KLF13: variants seen among roughly 807,000 people sequenced by gnomAD.
KLF13 encodes the protein Krueppel-like factor 13.
A neutral mutation model predicts 16.7 loss-of-function variants in KLF13; 8 were observed. The observed-to-expected ratio is 0.48, with a 90% CI of 0.28 to 0.87. KLF13 has a LOEUF of 0.87. Among genes scored for constraint, KLF13 ranks in the 40% least tolerant of loss-of-function variants. The pLI, the probability that KLF13 is intolerant of heterozygous loss-of-function variation, is 0.10. For synonymous variants in KLF13, 245 were observed against 208.4 expected, an observed-to-expected ratio of 1.18 and a Z score of -1.51; for missense variants, 447 against 452.2, an observed-to-expected ratio of 0.99 and a Z score of 0.10.
At position 31,398,949 on chromosome 15, in the gene KLF13, C is replaced by T. The variant is rs537076865; in HGVS notation, n.530-4479C>T. 3.3e-5 allele frequency among the ~76,000 whole-genome samples: 5 copies of T among 152,306 alleles called. No homozygotes were observed. The South Asian group carries it at 1.0e-3, about 32-fold the overall frequency. On this transcript the variant is annotated intron_variant and non_coding_transcript_variant, in intron 2 of 2. Transcript: ENST00000500533. ...TCATCTACTGGGTTTTCCCTGGAGC[C>T]TGTGCCCAGGGAAGCTCAGTGTCAC...
chr15:31,410,729 T>G (rs75325900), intron 1 of KLF13, among the ~76,000 whole-genome samples: 4,893 of 152,088 alleles, frequency 0.032, 256 homozygotes, highest in African/African-American at 0.11. Flanking sequence ...ACAACAATCC[T>G]AAACATGTAT....
At chr15:31,340,531 A>G (rs1433661249) in intron 1 of KLF13, among the ~76,000 whole-genome samples, 2 of 152,240 alleles carry the variant, frequency 1.3e-5, no homozygotes, top group African/African-American at 4.8e-5. Flanking sequence ...TCCTGCTAAC[A>G]TCACCCCCTT....
exon 2 of KLF13, chr15:31,393,633 C>A (rs1324036613): frequency 2.0e-5 from 3 of 152,540 alleles, no homozygotes; most frequent in Non-Finnish European, 4.4e-5. Flanking sequence ...TGCTCCAAGA[C>A]CAGAGAGGAA....
At chr15:31,421,640 T>C (rs920096543) in intron 1 of KLF13, among the ~76,000 whole-genome samples, 1 of 151,666 alleles carries the variant, frequency 6.6e-6, no homozygotes, top group Non-Finnish European at 1.5e-5. Flanking sequence ...CTGTAGAAGA[T>C]ATACAGAAGA....
intron 1 of KLF13, among the ~76,000 whole-genome samples, chr15:31,414,313 CAG>C (rs2040231118): frequency 6.6e-6 from 1 of 151,860 alleles, no homozygotes; most frequent in African/African-American, 2.4e-5. Context: ...AATGGAAGAA[CAG>C]AAAAAACACA....
intron 2 of KLF13, among the ~76,000 whole-genome samples, chr15:31,394,987 T>G (rs957625218): frequency 1.5e-4 from 23 of 152,114 alleles, no homozygotes; most frequent in African/African-American, 5.3e-4. Flanking sequence ...TTGTTTTGTT[T>G]TGTTTTGTTT....
intron 2 of KLF13, among the ~76,000 whole-genome samples, chr15:31,394,718 T>C (rs912876416): frequency 6.6e-6 from 1 of 152,192 alleles, no homozygotes; most frequent in East Asian, 1.9e-4. Context: ...TGGCCTTTAG[T>C]ATATTCACAG....
At chr15:31,391,698 G>A (rs1156919433), upstream of KLF13, among the ~76,000 whole-genome samples, 2 of 150,788 alleles carry the variant, frequency 1.3e-5, no homozygotes, top group African/African-American at 4.9e-5. Flanking sequence ...GGGCTGTGTG[G>A]GGGCTCTGTA....
At chr15:31,402,225 T>C (rs552321279) in intron 2 of KLF13, among the ~76,000 whole-genome samples, 1 of 152,262 alleles carries the variant, frequency 6.6e-6, no homozygotes, top group East Asian at 1.9e-4. Context: ...CTCCCTTGCC[T>C]ACATGGATGG....
chr15:31,358,805 T>TC (rs1198501028), intron 1 of KLF13, among the ~76,000 whole-genome samples: 4 of 152,208 alleles, frequency 2.6e-5, no homozygotes, highest in Admixed American at 2.0e-4. Context: ...TCACCAGCCA[T>TC]CAGGGCTGTG....
intron 1 of KLF13, among the ~76,000 whole-genome samples, chr15:31,431,061 G>T (rs1232295631): frequency 6.6e-6 from 1 of 152,186 alleles, no homozygotes; most frequent in Non-Finnish European, 1.5e-5. Flanking sequence ...GCATGCAGCA[G>T]ATGATTAGGT....
intron 1 of KLF13, among the ~76,000 whole-genome samples, chr15:31,383,992 T>C (rs921804987): frequency 5.3e-5 from 8 of 152,246 alleles, no homozygotes; most frequent in Non-Finnish European, 1.0e-4. Flanking sequence ...ATTAATTCAA[T>C]GAACCACATA....
In KLF13 at chr15:31,327,609, C is replaced by T; in HGVS notation, c.397C>T (p.Pro133Ser). The T allele has an allele frequency of 3.8e-6, 5 of 1,317,438 alleles. No homozygotes were observed. The highest frequency in any genetic ancestry group is 4.9e-6 in the Non-Finnish European group (5 of 1,018,588). The allele number at this position is 1,317,438 out of a possible 1,614,324, so 81.6% of individuals were successfully genotyped here. A position where few individuals can be genotyped will look rare whatever the true frequency, so the allele number is the denominator to read the frequency against. Residue 133 changes from proline (P) to serine (S), a missense_variant, in exon 1 of 2, where the codon CCC becomes TCC. Pro to Ser is a moderately conservative substitution (Grantham distance 74, BLOSUM62 -1). Coordinates refer to ENST00000307145, the MANE Select transcript of KLF13 (RefSeq NM_015995.4). ...GCCGGAGCCCGAGGCGGGGCTGGAG[C>T]CCGAGCGGGAGCCGGGGCCCGCGGG... The part of the protein sequence containing the change: ...SEPEPEAGLE[P>S]EREPGPAGSG...
At chr15:31,423,081 ATATATATACG>A (rs1330770475) in intron 1 of KLF13, among the ~76,000 whole-genome samples, 2 of 38,410 alleles carry the variant, frequency 5.2e-5, no homozygotes, top group Non-Finnish European at 1.3e-4. Context: ...TAACAATTAC[ATATATATACG>A]TATATATACG....
rs1249349007 is a variant in KLF13, at chr15:31,376,157, A to G, written c.*3858A>G. ...CTCTTTCTTGCCAGAAGCAGGTGCT[A>G]AGATGGACTGCACAGGGTCCCGGCA... is the stretch of plus-strand genomic sequence containing the variant. On this transcript the variant is annotated 3_prime_UTR_variant, in exon 2 of 2. Coordinates refer to ENST00000307145, the MANE Select transcript of KLF13 (RefSeq NM_015995.4). The G allele has an allele frequency of 2.0e-5, 3 of 152,684 alleles. No individual in the cohort carries two copies. The highest frequency in any genetic ancestry group is 7.2e-5 in the African/African-American group (3 of 41,446). 9.5% of individuals were successfully genotyped at this position (152,684 alleles called of 1,614,324 possible). A position where few individuals can be genotyped will look rare whatever the true frequency, so the allele number is the denominator to read the frequency against.
At chr15:31,336,915 A>G (rs2038938596) in intron 1 of KLF13, among the ~76,000 whole-genome samples, 2 of 152,296 alleles carry the variant, frequency 1.3e-5, no homozygotes, top group African/African-American at 4.8e-5. Flanking sequence ...ACACATTTTC[A>G]GGGACCAGGG....
At position 31,372,477 on chromosome 15, in the gene KLF13, A is replaced by C; in HGVS notation, c.*178A>C. ...AAAAAAAACACAAAAATTTCAAAAA[A>C]CACCACCCACCAAATTGCACAATAG... On this transcript the variant is annotated 3_prime_UTR_variant, in exon 2 of 2. Coordinates refer to ENST00000307145, the MANE Select transcript of KLF13 (RefSeq NM_015995.4). The C allele has an allele frequency of 1.5e-6, 1 of 686,700 alleles. No individual in the cohort carries two copies. The highest frequency in any genetic ancestry group is 2.3e-6 in the Non-Finnish European group (1 of 440,788). The allele number at this position is 686,700 out of a possible 1,614,324, so 42.5% of individuals were successfully genotyped here.
chr15:31,352,941 T>A (rs1010089705), intron 1 of KLF13, among the ~76,000 whole-genome samples: 1 of 152,152 alleles, frequency 6.6e-6, no homozygotes, highest in Non-Finnish European at 1.5e-5. Context: ...ATGACGAGGC[T>A]GGACCCACCT....
chr15:31,358,168 A>G (rs949008552), intron 1 of KLF13, among the ~76,000 whole-genome samples: 1 of 152,240 alleles, frequency 6.6e-6, no homozygotes, highest in Non-Finnish European at 1.5e-5. Context: ...AATGTTATCC[A>G]GGAGTTTGCC....
Sources: gnomAD v4.1 joint callset for allele counts (sites outside exome capture counted in the v4.1 genomes callset) on GRCh38, gnomAD v4.1.1 for gene constraint, MANE v1.5 for transcripts, NCBI Gene and HGNC (gene_info 2026-07-23, HGNC 2026-07-21) for gene names.